PCDHGA9: variants seen among roughly 807,000 people sequenced by gnomAD.
PCDHGA9 encodes protocadherin gamma subfamily A, 9, also known as protocadherin gamma-A9.
In PCDHGA9, 37 loss-of-function variants were observed where a neutral mutation model predicts 62.5. The observed-to-expected ratio is 0.59, with a 90% CI of 0.46 to 0.78. The LOEUF is 0.78. Ranked by LOEUF, PCDHGA9 falls within the 30% of genes least tolerant of loss-of-function variation. PCDHGA9 has a pLI of 0.00. For missense variants in PCDHGA9, 1,138 were observed against 1,166.2 expected, an observed-to-expected ratio of 0.98 and a Z score of 0.35; for synonymous variants, 459 against 484.6, an observed-to-expected ratio of 0.95 and a Z score of 0.69.
chr5:141,435,934 T>A (rs1311888999), intron 1 of PCDHGA9, among the ~76,000 whole-genome samples: 2 of 152,160 alleles, frequency 1.3e-5, no homozygotes, highest in Non-Finnish European at 2.9e-5. Flanking sequence ...CAGTTGCTGC[T>A]TCTGAGACCA....
chr5:141,502,516 A>G (rs947349505), intron 2 of PCDHGA9, among the ~76,000 whole-genome samples: 1 of 152,146 alleles, frequency 6.6e-6, no homozygotes, highest in African/African-American at 2.4e-5. Flanking sequence ...TCCCACTATC[A>G]GTGATGCCGA....
chr5:141,510,252 G>A (rs1342841474), intron 3 of PCDHGA9, among the ~76,000 whole-genome samples: 4 of 148,432 alleles, frequency 2.7e-5, no homozygotes, highest in Admixed American at 1.3e-4. Context: ...CAGGCTGGGC[G>A]ACAGAGCAGG....
Position 141,490,924 on chromosome 5 carries a change from C to G in PCDHGA9, c.2425-3883C>G, listed in dbSNP as rs1469202824. The G allele has an allele frequency of 1.9e-6, 3 of 1,613,562 alleles. No individual in the cohort carries two copies. The highest frequency in any genetic ancestry group is 2.5e-6 in the Non-Finnish European group (3 of 1,179,702). ...TGTCCTAGACGAGAATGATAATGCC[C>G]CAGCTGTGCTGCACCCACGGCCAGA... On this transcript the variant is annotated intron_variant, in intron 1 of 3. Transcript: ENST00000573521. The surrounding 1 kb of genome is among the most constrained non-coding windows in gnomAD (Gnocchi z 5.4).
chr5:141,486,714 C>G lies in PCDHGA9; in HGVS notation c.2425-8093C>G. On this transcript the variant is annotated intron_variant, in intron 1 of 3. Transcript: ENST00000573521. This position sits in a 1 kb window ranked among gnomAD's most constrained non-coding sequence, Gnocchi z 5.0. ...TCTTTCATCTCTCTGAACCCCCAGA[C>G]AGGAGCTGTTCATGCTACTCGATCC... 1.2e-6 allele frequency: 2 copies of G among 1,614,216 alleles called. No individual in the cohort carries two copies. Among genetic ancestry groups the G allele is most frequent in the African/African-American group, 1.3e-5 (1 of 75,062 alleles).
chr5:141,436,856 G>A (rs942357563), intron 1 of PCDHGA9, among the ~76,000 whole-genome samples: 2 of 152,246 alleles, frequency 1.3e-5, no homozygotes, highest in Admixed American at 1.3e-4. Context: ...TGATTGAGAA[G>A]CCACAGTTTT....
At chr5:141,413,958 G>C in intron 1 of PCDHGA9, 1 of 1,613,392 alleles carries the variant, frequency 6.2e-7, no homozygotes, top group African/African-American at 1.3e-5. Flanking sequence ...ATTTGCCTGT[G>C]GGCACTCAGC....
rs758782567 is a variant in PCDHGA9, at chr5:141,486,792, G to A, written c.2425-8015G>A. ...CAGTTTGAGGTGCAGGCCCGGGATCGGGGCAACCCACCCCTTAGCAGCACT... is the reference window on the plus strand; with the variant it reads ...CAGTTTGAGGTGCAGGCCCGGGATCAGGGCAACCCACCCCTTAGCAGCACT... On this transcript the variant is annotated intron_variant, in intron 1 of 3. Coordinates refer to ENST00000573521, the MANE Select transcript of PCDHGA9 (RefSeq NM_018921.3). This position sits in a 1 kb window ranked among gnomAD's most constrained non-coding sequence, Gnocchi z 5.0. The A allele has an allele frequency of 3.7e-5, 59 of 1,614,094 alleles. No homozygotes were observed. The Middle Eastern group carries it at 4.9e-4, about 13-fold the overall frequency.
intron 1 of PCDHGA9, chr5:141,408,214 C>G (rs1225368283): frequency 1.3e-6 from 2 of 1,555,192 alleles, no homozygotes; most frequent in Admixed American, 2.0e-5. Context: ...TGGGAGGGAG[C>G]TGCGCGCAGA....
chr5:141,421,871 C>CT, intron 1 of PCDHGA9: 1 of 1,613,756 alleles, frequency 6.2e-7, no homozygotes, highest in East Asian at 2.2e-5. Flanking sequence ...CTCCTCACAG[C>CT]TTTAGATGGA....
chr5:141,415,605 G>GGT, intron 1 of PCDHGA9: 1 of 1,613,122 alleles, frequency 6.2e-7, no homozygotes. Context: ...ATACCCCATT[G>GGT]GTTCCAGTGA....
Position 141,404,198 on chromosome 5 carries a change from T to G in PCDHGA9, c.1246T>G (p.Ser416Ala). ...CCAAATTCTTGACCGAGAAAAAGCC[T>G]CAGAATATAATATCACGGTGACTGC... Reference protein sequence around the residue: ...TAQILDREKASEYNITVTATD... With the variant: ...TAQILDREKAAEYNITVTATD... The change falls in exon 1 of 4, where the codon TCA (serine) becomes GCA (alanine). Residue 416 changes from serine to alanine, a missense_variant. Ser to Ala is a moderately conservative substitution (Grantham distance 99). Transcript: ENST00000573521. 1 of 1,613,554 alleles carries G rather than the reference T, an allele frequency of 6.2e-7. No individual in the cohort carries two copies. Among genetic ancestry groups the G allele is most frequent in the Non-Finnish European group, 8.5e-7 (1 of 1,179,694 alleles).
intron 1 of PCDHGA9, chr5:141,420,396 A>C: frequency 8.0e-7 from 1 of 1,250,930 alleles, no homozygotes; most frequent in Non-Finnish European, 1.1e-6. Context: ...ATATAGGTCA[A>C]ATTTATGGTT....
rs1358516648 is a variant in PCDHGA9, at chr5:141,489,199, A to C, written c.2425-5608A>C. The C allele has an allele frequency of 1.4e-6, 2 of 1,395,234 alleles. No individual in the cohort carries two copies. The highest frequency in any genetic ancestry group is 2.8e-5 in the South Asian group (2 of 71,520). The allele number at this position is 1,395,234 out of a possible 1,614,324, so 86.4% of individuals were successfully genotyped here. ...CAAGCCCTGGGTCTACCTTGGAGAC[A>C]GGACAGCACAGACTTACTCTCCACA... On this transcript the variant is annotated intron_variant, in intron 1 of 3. Transcript: ENST00000573521. The surrounding 1 kb of genome is among the most constrained non-coding windows in gnomAD (Gnocchi z 4.5).
intron 1 of PCDHGA9, chr5:141,413,119 G>C: frequency 6.6e-7 from 1 of 1,522,222 alleles, no homozygotes; most frequent in Non-Finnish European, 8.8e-7. Flanking sequence ...AAAGGAACCG[G>C]TTGAAACACA....
chr5:141,431,178 TAA>T lies in PCDHGA9; in HGVS notation c.2424+25806_2424+25807del. On this transcript the variant is annotated intron_variant, in intron 1 of 3. Transcript: ENST00000573521. This position sits in a 1 kb window ranked among gnomAD's most constrained non-coding sequence, Gnocchi z 4.8. ...TACTTTCGTGAAAGTGAATTAGAAA[TAA>T]AAATTAGTGAAAATGCAGCCACTGA... is the stretch of plus-strand genomic sequence containing the variant. 1 of 1,614,078 alleles carries T rather than the reference TAA, an allele frequency of 6.2e-7. No homozygotes were observed. Among genetic ancestry groups the T allele is most frequent in the Non-Finnish European group, 8.5e-7 (1 of 1,180,000 alleles).
intron 1 of PCDHGA9, among the ~76,000 whole-genome samples, chr5:141,444,175 TTTTTTTTTTTTTTG>T (rs2098423325): frequency 7.6e-6 from 1 of 131,192 alleles, no homozygotes; most frequent in African/African-American, 3.0e-5. Flanking sequence ...TTTTTTTTTT[TTTTTTTTTTTTTTG>T]AGATGGAGTT....
rs767107885 is a variant in PCDHGA9, at chr5:141,423,138, C to T, written c.2424+17762C>T. ...CAGCGCGGGCACTGCTGGACAGAGA[C>T]GCGCTCAAGCAGAGCCTCGTGGTGG... On this transcript the variant is annotated intron_variant, in intron 1 of 3. Transcript: ENST00000573521. 2.5e-6 allele frequency: 4 copies of T among 1,613,606 alleles called. 1 individual carries two copies. The highest frequency in any genetic ancestry group is 3.4e-6 in the Non-Finnish European group (4 of 1,179,912).
intron 1 of PCDHGA9, chr5:141,419,837 C>G (rs778271441): frequency 1.2e-6 from 2 of 1,614,090 alleles, no homozygotes; most frequent in South Asian, 2.2e-5. Context: ...CACTGCCACG[C>G]TGCACCTGGT....
At chr5:141,464,618 C>G (rs1425657373) in intron 1 of PCDHGA9, among the ~76,000 whole-genome samples, 2 of 152,092 alleles carry the variant, frequency 1.3e-5, no homozygotes, top group Non-Finnish European at 2.9e-5. Context: ...AGTATATTGT[C>G]AAGCTTTTTA....
Sources: gnomAD v4.1 joint callset for allele counts (sites outside exome capture counted in the v4.1 genomes callset) on GRCh38, gnomAD v4.1.1 for gene constraint, Gnocchi (gnomAD v3.1) non-coding constraint, MANE v1.5 for transcripts, NCBI Gene and HGNC (gene_info 2026-07-23, HGNC 2026-07-21) for gene names.